Variants in TCOF1 observed in about 807,000 individuals in gnomAD.
TCOF1 encodes treacle protein.
In TCOF1, 33 loss-of-function variants were observed where a neutral mutation model predicts 149.0. That is an observed-to-expected ratio of 0.22 (90% CI 0.17 to 0.30). The LOEUF is 0.30. Among genes scored for constraint, TCOF1 ranks in the 10% least tolerant of loss-of-function variants. TCOF1 has a pLI of 1.00. For missense variants in TCOF1, 1,728 were observed against 1,840.7 expected, an observed-to-expected ratio of 0.94 and a Z score of 1.12; for synonymous variants, 789 against 738.8, an observed-to-expected ratio of 1.07 and a Z score of -1.10.
intron 17 of TCOF1, chr5:150,384,136 T>G: frequency 9.1e-7 from 1 of 1,102,034 alleles, no homozygotes; most frequent in Non-Finnish European, 1.1e-6. Flanking sequence ...ACATACCACA[T>G]TGTTATCAAT....
chr5:150,389,834 G>A, intron 18 of TCOF1, 53 bp from the exon 19 acceptor site: 1 of 1,613,836 alleles, frequency 6.2e-7, no homozygotes, highest in South Asian at 1.1e-5. Context: ...CCGCTGCTGA[G>A]GAGGCGATGG....
intron 6 of TCOF1, 84 bp downstream of exon 6, chr5:150,369,686 G>C: frequency 6.8e-7 from 1 of 1,464,254 alleles, no homozygotes; most frequent in Non-Finnish European, 9.4e-7. Flanking sequence ...GACACCAGTG[G>C]GCCCAGATGA....
intron 23 of TCOF1, among the ~76,000 whole-genome samples, chr5:150,395,431 C>G (rs1281000393): frequency 1.3e-5 from 2 of 152,190 alleles, no homozygotes; most frequent in Admixed American, 1.3e-4. Flanking sequence ...TCAGCTGCAG[C>G]TTGCCCCAGG....
chr5:150,375,000 C>T lies in TCOF1; in HGVS notation c.1325C>T (p.Pro442Leu), dbSNP rs769477593. The T allele has an allele frequency of 6.2e-7, 1 of 1,613,968 alleles. No homozygotes were observed. The highest frequency in any genetic ancestry group is 2.2e-5 in the East Asian group (1 of 44,860). ...KAPQVRAASAPAKESPRKGAA... is the reference protein window; with the variant it reads ...KAPQVRAASALAKESPRKGAA... The stretch of plus-strand genomic sequence containing the variant: ...CCCCAGGTCAGAGCCGCCTCGGCCC[C>T]TGCCAAGGAGTCCCCCAGGAAAGGG... The change falls in exon 10 of 27, where the codon CCT becomes CTT. Residue 442 changes from proline to leucine, a missense_variant. Pro to Leu is a moderately conservative substitution (Grantham distance 98, BLOSUM62 -3). Coordinates refer to ENST00000643257, the MANE Select transcript of TCOF1 (RefSeq NM_001371623.1).
chr5:150,374,562 G>A, intron 8 of TCOF1, 55 bp from the exon 9 acceptor site: 1 of 1,610,434 alleles, frequency 6.2e-7, no homozygotes, highest in Non-Finnish European at 8.5e-7. Flanking sequence ...GTGGTGTCCT[G>A]TGTCTCCTCA....
At chr5:150,382,850 T>C (rs1765501315) in intron 17 of TCOF1, among the ~76,000 whole-genome samples, 1 of 152,150 alleles carries the variant, frequency 6.6e-6, no homozygotes, top group Admixed American at 6.5e-5. Flanking sequence ...ATGTTCGGAG[T>C]CAGCTCTGGA....
Position 150,376,444 on chromosome 5 carries a change from C to G in TCOF1, c.2164C>G (p.Leu722Val). Reference protein sequence around the residue: ...VGQAKSVGKGLQVKAASVPVK... With the variant: ...VGQAKSVGKGVQVKAASVPVK... ...CCAGGCAAAGTCTGTGGGGAAAGGC[C>G]TCCAGGTGAAAGCAGCCTCAGTGCC... is the stretch of plus-strand genomic sequence containing the variant. Residue 722 changes from leucine (L) to valine (V), a missense_variant, in exon 14 of 27, where the codon CTC becomes GTC. Coordinates refer to ENST00000643257, the MANE Select transcript of TCOF1 (RefSeq NM_001371623.1). 1 of 1,614,224 alleles carries G rather than the reference C, an allele frequency of 6.2e-7. No individual in the cohort carries two copies. Among genetic ancestry groups the G allele is most frequent in the Non-Finnish European group, 8.5e-7 (1 of 1,180,038 alleles).
In TCOF1 at chr5:150,372,002, C is replaced by T; in HGVS notation, c.640-4C>T. On this transcript the variant is annotated splice_region_variant and splice_polypyrimidine_tract_variant and intron_variant, in intron 6 of 26. Coordinates refer to ENST00000643257, the MANE Select transcript of TCOF1 (RefSeq NM_001371623.1). ...CATTTTCTAATTCCATCCTCTTGTT[C>T]CAGGGGAAACCCTCAGTAAAACCAG... is the stretch of plus-strand genomic sequence containing the variant. 6.2e-7 allele frequency: 1 copy of T among 1,612,234 alleles called. No individual in the cohort carries two copies. Among genetic ancestry groups the T allele is most frequent in the Non-Finnish European group, 8.5e-7 (1 of 1,178,244 alleles).
At chr5:150,373,189 A>G (rs1181591497) in intron 7 of TCOF1, among the ~76,000 whole-genome samples, 1 of 151,988 alleles carries the variant, frequency 6.6e-6, no homozygotes, top group Non-Finnish European at 1.5e-5. Flanking sequence ...CTAGGAATAC[A>G]GGCACACACC....
At chr5:150,393,658 G>T in intron 23 of TCOF1, 106 bp downstream of exon 23, 1 of 1,437,668 alleles carries the variant, frequency 7.0e-7, no homozygotes, top group Non-Finnish European at 9.6e-7. Flanking sequence ...GGTCCTGTCT[G>T]CCCCCAGAGC....
intron 22 of TCOF1, chr5:150,393,121 C>T: frequency 1.7e-6 from 1 of 593,266 alleles, no homozygotes; most frequent in African/African-American, 1.9e-5. Context: ...AGTAATTTTC[C>T]ATTTGTATTA....
At position 150,369,537 on chromosome 5, in the gene TCOF1, T is replaced by C. The variant is rs1233167708; in HGVS notation, c.574T>C (p.Ser192Pro). The C allele has an allele frequency of 1.2e-6, 2 of 1,613,878 alleles. No homozygotes were observed. The highest frequency in any genetic ancestry group is 4.5e-5 in the East Asian group (2 of 44,872). The change falls in exon 6 of 27, where the codon TCA becomes CCA. Residue 192 changes from serine (S) to proline (P), a missense_variant. Ser to Pro is a moderately conservative substitution (Grantham distance 74). Transcript: ENST00000643257. ...FGAAAKPGMV[S>P]AGQADSSSED... is the part of the protein sequence containing the mutation. Reference sequence around the variant, plus strand: ...CCGTGTCCGATCCTCAGGGATGGTGTCAGCGGGCCAGGCCGACAGCTCCAG... The same window carrying C: ...CCGTGTCCGATCCTCAGGGATGGTGCCAGCGGGCCAGGCCGACAGCTCCAG...
rs982358519 is a variant in TCOF1 at position 150,395,877 on chromosome 5, TCA to T, written c.3785-401_3785-400del. ...GGGAGGAGATGGGTCCTGGCCAGAA[TCA>T]CACTGAAAGTGGGTGGGAAAGTCAG... On this transcript the variant is annotated intron_variant, in intron 23 of 26. Transcript: ENST00000643257. Among the ~76,000 whole-genome samples the T allele has an allele frequency of 1.1e-4, 16 of 151,452 alleles. 1 individual carries two copies. The highest frequency in any genetic ancestry group is 3.9e-4 in the African/African-American group (16 of 41,540).
chr5:150,395,396 G>A (rs1414480625), intron 23 of TCOF1, among the ~76,000 whole-genome samples: 23 of 152,212 alleles, frequency 1.5e-4, no homozygotes, highest in Admixed American at 1.5e-3. Flanking sequence ...GTTAGAGCCG[G>A]TGAGGAGACC....
At chr5:150,391,744 C>A in intron 20 of TCOF1, 87 bp downstream of exon 20, 1 of 1,326,788 alleles carries the variant, frequency 7.5e-7, no homozygotes, top group Non-Finnish European at 1.1e-6. Context: ...CACTCATCTG[C>A]CCCATGACCT....
chr5:150,391,249 G>A (rs1383200823), intron 19 of TCOF1, among the ~76,000 whole-genome samples: 2 of 152,212 alleles, frequency 1.3e-5, no homozygotes, highest in Non-Finnish European at 2.9e-5. Context: ...GACTGCTAGT[G>A]GTTATAAGAA....
rs1191385991 is a variant in TCOF1 at position 150,379,854 on chromosome 5, T to G, written c.2859+122T>G. ...TGGGAGGCCGAGGCAGATGTATCACTTGAGGTCAGGGGTTCAAGACCAGCC... is the reference window on the plus strand; with the variant it reads ...TGGGAGGCCGAGGCAGATGTATCACGTGAGGTCAGGGGTTCAAGACCAGCC... On this transcript the variant is annotated intron_variant, in intron 17 of 26. Coordinates refer to ENST00000643257, the MANE Select transcript of TCOF1 (RefSeq NM_001371623.1). 13 of 1,260,136 alleles carry G rather than the reference T, an allele frequency of 1.0e-5. No homozygotes were observed. In the South Asian group the frequency reaches 1.7e-4, roughly 16 times the overall value. 78.1% of individuals were successfully genotyped at this position (1,260,136 alleles called of 1,614,324 possible). A position where few individuals can be genotyped will look rare whatever the true frequency, so the allele number is the denominator to read the frequency against.
chr5:150,357,754 A>C lies in TCOF1; in HGVS notation c.8A>C (p.Glu3Ala), dbSNP rs766982136. Residue 3 changes from glutamate to alanine, a missense_variant, in exon 1 of 27, where the codon GAG becomes GCG. By Grantham distance (107) the Glu-to-Ala change is moderately radical. Around this residue, in one of 2 missense-constraint regions of TCOF1, gnomAD observed 32 missense variants for 75.3 expected, o/e 0.43. Transcript: ENST00000643257. ...CGGCCGGGGGTCGCGGGTATGGCCG[A>C]GGCCAGGAAGCGGCGGGAGCTACTT... MAEARKRRELLPL... is the reference protein window; with the variant it reads MAAARKRRELLPL... 4.5e-6 allele frequency: 7 copies of C among 1,548,890 alleles called. No individual in the cohort carries two copies. The African/African-American group carries it at 5.5e-5, about 12-fold the overall frequency.
intron 1 of TCOF1, among the ~76,000 whole-genome samples, chr5:150,359,556 C>G (rs57405979): frequency 0.21 from 32,275 of 151,966 alleles, 3,909 homozygotes; most frequent in Non-Finnish European, 0.27. Context: ...AGGCTCTGCT[C>G]CTAATGCTTG....
Sources: allele counts gnomAD v4.1 joint callset (sites outside exome capture counted in the v4.1 genomes callset), GRCh38; gene constraint gnomAD v4.1.1; regional missense constraint gnomAD v4.1.1; transcripts MANE v1.5; gene names NCBI Gene and HGNC (gene_info 2026-07-23, HGNC 2026-07-21).